The following ANKHD1 variants were observed in gnomAD, a reference collection of about 807,000 sequenced individuals.
The protein encoded by ANKHD1 is ankyrin repeat and KH domain containing 1.
A neutral mutation model predicts 230.5 loss-of-function variants in ANKHD1; 31 were observed. The ratio of observed to expected loss-of-function variants is 0.13; its 90% CI spans 0.10 to 0.18. ANKHD1 has a LOEUF of 0.18. Among genes scored for constraint, ANKHD1 ranks in the 10% least tolerant of loss-of-function variants. The probability of loss-of-function intolerance (pLI) is 1.00; values close to 1 mark genes in which losing one functional copy is unlikely to be tolerated. For synonymous variants in ANKHD1, 1,074 were observed against 1,117.6 expected, an observed-to-expected ratio of 0.96 and a Z score of 0.78; for missense variants, 2,256 against 3,071.3, an observed-to-expected ratio of 0.73 and a Z score of 6.27.
intron 7 of ANKHD1, among the ~76,000 whole-genome samples, chr5:140,457,662 C>G (rs1474837034): frequency 6.6e-6 from 1 of 152,058 alleles, no homozygotes; most frequent in Non-Finnish European, 1.5e-5. Flanking sequence ...AATGAGAACA[C>G]TTGGACACAG....
chr5:140,417,769 G>A (rs1441994699), intron 1 of ANKHD1, among the ~76,000 whole-genome samples: 1 of 148,104 alleles, frequency 6.8e-6, no homozygotes, highest in Non-Finnish European at 1.5e-5. Flanking sequence ...ACTTTTTATT[G>A]TGATATAATT....
rs1395112042 is a variant in ANKHD1, at chr5:140,436,125, CAAG to C, written c.333_335del (p.Glu111del). 6.4e-7 allele frequency: 1 copy of C among 1,566,792 alleles called. No individual in the cohort carries two copies. ...ACAGGTTGAATCATTTATTTTGGAC[CAAG>C]AAGATCTGGATAACCCAGTGCTTAA... On this transcript the variant is annotated inframe_deletion, in exon 2 of 34. Coordinates refer to ENST00000360839, the MANE Select transcript of ANKHD1 (RefSeq NM_017747.3).
chr5:140,467,152 GTC>G (rs756840136), intron 10 of ANKHD1, among the ~76,000 whole-genome samples: 2 of 151,668 alleles, frequency 1.3e-5, no homozygotes, highest in Non-Finnish European at 2.9e-5. Flanking sequence ...TTACTATATA[GTC>G]TCTATAACTC....
In ANKHD1 at chr5:140,485,047, T is replaced by C; in HGVS notation, c.1871-74T>C. On this transcript the variant is annotated intron_variant, in intron 11 of 33. Coordinates refer to ENST00000360839, the MANE Select transcript of ANKHD1 (RefSeq NM_017747.3). The surrounding 1 kb of genome is among the most constrained non-coding windows in gnomAD (Gnocchi z 4.8). ...TATCTACATTATACTTCACAAAAAATTTTTAAATGATATTGACTATGAACT... is the reference window on the plus strand; with the variant it reads ...TATCTACATTATACTTCACAAAAAACTTTTAAATGATATTGACTATGAACT... The C allele has an allele frequency of 6.6e-7, 1 of 1,509,268 alleles. No homozygotes were observed. The highest frequency in any genetic ancestry group is 8.9e-7 in the Non-Finnish European group (1 of 1,123,044). The allele number at this position is 1,509,268 out of a possible 1,614,324, so 93.5% of individuals were successfully genotyped here.
At chr5:140,537,249 GT>G in intron 30 of ANKHD1, 139 bp from the exon 31 acceptor site, 1 of 1,384,522 alleles carries the variant, frequency 7.2e-7, no homozygotes, top group Non-Finnish European at 9.5e-7. Flanking sequence ...CAGAACTTAT[GT>G]TGTGGAATAG....
chr5:140,537,610 C>A, intron 31 of ANKHD1, 21 bp downstream of exon 31: 1 of 1,516,566 alleles, frequency 6.6e-7, no homozygotes, highest in African/African-American at 1.4e-5. Flanking sequence ...CTTGCTCTCT[C>A]TCTGGAGGGA....
chr5:140,511,239 G>T (rs1036582735), intron 22 of ANKHD1, among the ~76,000 whole-genome samples: 2 of 152,166 alleles, frequency 1.3e-5, no homozygotes, highest in Non-Finnish European at 2.9e-5. Flanking sequence ...AGTAGGGCAT[G>T]TAAAGACCTG....
intron 24 of ANKHD1, among the ~76,000 whole-genome samples, chr5:140,517,880 A>C (rs1753112294): frequency 6.7e-6 from 1 of 149,620 alleles, no homozygotes; most frequent in Admixed American, 6.7e-5. Context: ...AATTAAAAGA[A>C]CTAGAAAAGC....
intron 10 of ANKHD1, among the ~76,000 whole-genome samples, chr5:140,475,579 A>G (rs1174220665): frequency 6.6e-6 from 1 of 152,186 alleles, no homozygotes; most frequent in Non-Finnish European, 1.5e-5. Context: ...AACTAAAAAA[A>G]AGGGGGGAAA....
Position 140,528,885 on chromosome 5 carries a change from C to T in ANKHD1, c.5939C>T (p.Thr1980Ile), listed in dbSNP as rs553795223. The T allele has an allele frequency of 2.5e-5, 40 of 1,614,060 alleles. No homozygotes were observed. The highest frequency in any genetic ancestry group is 3.4e-5 in the Non-Finnish European group (40 of 1,180,052). The change falls in exon 29 of 34, where the codon ACA becomes ATA. Residue 1980 changes from threonine to isoleucine, a missense_variant. By Grantham distance (89) the Thr-to-Ile change is moderately conservative. Coordinates refer to ENST00000360839, the MANE Select transcript of ANKHD1 (RefSeq NM_017747.3). ...SPPATVISSV[T>I]STCSSLPSVS... ...CCAGCAACAGTGATTTCTTCTGTGA[C>T]AAGCACTTGTAGTTCCCTGCCTTCT...
intron 28 of ANKHD1, 74 bp from the exon 29 acceptor site, chr5:140,528,110 T>C: frequency 6.4e-7 from 1 of 1,550,492 alleles, no homozygotes; most frequent in Non-Finnish European, 8.7e-7. Context: ...AAGAACTTTA[T>C]TTGATGGTTA....
intron 26 of ANKHD1, 130 bp from the exon 27 acceptor site, chr5:140,526,798 T>G (rs1753626033): frequency 1.7e-5 from 22 of 1,291,272 alleles, no homozygotes; most frequent in Non-Finnish European, 2.0e-5. Context: ...TTTTTCTGAC[T>G]CATTGATTAT....
At position 140,511,848 on chromosome 5, in the gene ANKHD1, G is replaced by A. The variant is rs1752784086; in HGVS notation, c.4105-980G>A. Among the ~76,000 whole-genome samples the A allele has an allele frequency of 2.0e-5, 3 of 152,220 alleles. No homozygotes were observed. In the South Asian group the frequency reaches 6.2e-4, roughly 31 times the overall value. On this transcript the variant is annotated intron_variant, in intron 22 of 33. Coordinates refer to ENST00000360839, the MANE Select transcript of ANKHD1 (RefSeq NM_017747.3). ...AGTCACTTCCCTGCCCCAGAGGCAA[G>A]CATTTCTCTGATTTGTATCTCCATC...
intron 15 of ANKHD1, chr5:140,498,213 T>C (rs1450777122): frequency 6.6e-6 from 1 of 152,280 alleles, no homozygotes; most frequent in African/African-American, 2.4e-5. Context: ...CCTCTGTCTC[T>C]TGATTGCAAC....
At chr5:140,467,813 C>A (rs1371254404) in intron 10 of ANKHD1, among the ~76,000 whole-genome samples, 1 of 152,094 alleles carries the variant, frequency 6.6e-6, no homozygotes, top group Non-Finnish European at 1.5e-5. Flanking sequence ...AGATTAGTCC[C>A]TGAGTCCTGG....
rs62385233 is a variant in ANKHD1 at position 140,488,365 on chromosome 5, A to C, written c.2245+1305A>C. Among the ~76,000 whole-genome samples the C allele has an allele frequency of 4.5e-3, 679 of 152,188 alleles. 4 individuals are homozygous for C. The highest frequency in any genetic ancestry group is 4.8e-3 in the Non-Finnish European group (327 of 68,004). On this transcript the variant is annotated intron_variant, in intron 14 of 33. Coordinates refer to ENST00000360839, the MANE Select transcript of ANKHD1 (RefSeq NM_017747.3). ...TTTGAAAGGCTGAGGCTGGTGAATC[A>C]TCTGAGGTCAGGAGTTCAAGACCAG...
chr5:140,526,404 A>C lies in ANKHD1; in HGVS notation c.4901A>C (p.Glu1634Ala), dbSNP rs747539568. ...KYPSLLLHSQEEKTSTATSKT... is the reference protein window; with the variant it reads ...KYPSLLLHSQAEKTSTATSKT... ...CCCTCACTGCTCCTTCATTCCCAAG[A>C]AGAAAAGACAAGTACTGCTACTTCC... The change falls in exon 26 of 34, where the codon GAA (glutamate) becomes GCA (alanine). Residue 1634 changes from glutamate to alanine, a missense_variant. Coordinates refer to ENST00000360839, the MANE Select transcript of ANKHD1 (RefSeq NM_017747.3). 1 of 1,613,786 alleles carries C rather than the reference A, an allele frequency of 6.2e-7. No individual in the cohort carries two copies. The highest frequency in any genetic ancestry group is 1.1e-5 in the South Asian group (1 of 90,994).
At position 140,497,097 on chromosome 5, in the gene ANKHD1, A is replaced by G. The variant is rs1323600204; in HGVS notation, c.2823A>G (p.Leu941=). The G allele has an allele frequency of 6.2e-7, 1 of 1,614,086 alleles. No homozygotes were observed. Among genetic ancestry groups the G allele is most frequent in the Non-Finnish European group, 8.5e-7 (1 of 1,180,040 alleles). The change falls in exon 15 of 34, where the codon TTA becomes TTG. Residue 941 remains leucine, a synonymous_variant. Coordinates refer to ENST00000360839, the MANE Select transcript of ANKHD1 (RefSeq NM_017747.3). ...CACAGTGTAACTTTTCCAGTGACTT[A>G]GGTTCTAATGGGACAAATTCTCTTG... ...SSPQCNFSSD[L]GSNGTNSLEL... is the part of the protein sequence containing the mutation.
At chr5:140,487,799 T>C (rs1483725325) in intron 14 of ANKHD1, among the ~76,000 whole-genome samples, 1 of 152,206 alleles carries the variant, frequency 6.6e-6, no homozygotes, top group Non-Finnish European at 1.5e-5. Context: ...AAAACAAACT[T>C]ATGAACATCG....
Sources: allele counts gnomAD v4.1 joint callset (sites outside exome capture counted in the v4.1 genomes callset), GRCh38; gene constraint gnomAD v4.1.1; non-coding constraint Gnocchi (gnomAD v3.1); transcripts MANE v1.5; gene names NCBI Gene and HGNC (gene_info 2026-07-23, HGNC 2026-07-21).